LARGE1: variants seen among roughly 807,000 people sequenced by gnomAD.
LARGE1 encodes the protein xylosyl- and glucuronyltransferase LARGE1.
In LARGE1, 43 loss-of-function variants were observed where a neutral mutation model predicts 87.6. That is an observed-to-expected ratio of 0.49 (90% CI 0.38 to 0.63). The LOEUF is 0.63. Ranked by LOEUF, LARGE1 falls within the 30% of genes least tolerant of loss-of-function variation. The probability of loss-of-function intolerance (pLI) is 0.00; values close to 1 mark genes in which losing one functional copy is unlikely to be tolerated. For missense variants in LARGE1, 802 were observed against 1,000.2 expected, an observed-to-expected ratio of 0.80 and a Z score of 2.67; for synonymous variants, 434 against 394.6, an observed-to-expected ratio of 1.10 and a Z score of -1.18.
intron 1 of LARGE1, among the ~76,000 whole-genome samples, chr22:33,765,564 G>A (rs949435136): frequency 8.6e-5 from 13 of 151,894 alleles, no homozygotes; most frequent in Non-Finnish European, 2.9e-5. Flanking sequence ...AATTAGCTGG[G>A]CATGGTGGTG....
At chr22:33,172,450 A>T (rs113689450) in intron 11 of LARGE1, among the ~76,000 whole-genome samples, 2 of 149,512 alleles carry the variant, frequency 1.3e-5, no homozygotes, top group East Asian at 2.0e-4. Flanking sequence ...TCCCCTGCTC[A>T]CTCTCTCTCT....
At chr22:33,427,375 A>G (rs148616643) in intron 7 of LARGE1, among the ~76,000 whole-genome samples, 109 of 152,332 alleles carry the variant, frequency 7.2e-4, no homozygotes, top group African/African-American at 2.4e-3. Flanking sequence ...AGCTCTAGTA[A>G]AAAGGGAAGG....
intron 1 of LARGE1, among the ~76,000 whole-genome samples, chr22:33,893,889 G>A (rs965462590): frequency 2.6e-5 from 4 of 152,190 alleles, no homozygotes; most frequent in African/African-American, 9.7e-5. Context: ...AACGTCACAA[G>A]TCTCACAGGG....
chr22:33,728,711 G>C (rs1307073965), intron 2 of LARGE1, among the ~76,000 whole-genome samples: 3 of 152,156 alleles, frequency 2.0e-5, no homozygotes, highest in Non-Finnish European at 4.4e-5. Context: ...ATACTAGACT[G>C]GCCTGCTGTG....
At chr22:33,776,103 C>T (rs1480207252) in intron 1 of LARGE1, among the ~76,000 whole-genome samples, 1 of 152,192 alleles carries the variant, frequency 6.6e-6, no homozygotes, top group Admixed American at 6.5e-5. Flanking sequence ...AGATGACCTG[C>T]AAATTCACTG....
At chr22:33,908,903 G>A (rs1291933022) in intron 1 of LARGE1, among the ~76,000 whole-genome samples, 1 of 152,172 alleles carries the variant, frequency 6.6e-6, no homozygotes, top group Non-Finnish European at 1.5e-5. Flanking sequence ...CCAGAACCCA[G>A]ATGTCAGAGC....
At chr22:33,477,316 G>A (rs1423027991) in intron 6 of LARGE1, among the ~76,000 whole-genome samples, 3 of 152,138 alleles carry the variant, frequency 2.0e-5, no homozygotes, top group African/African-American at 7.2e-5. Flanking sequence ...TATAAGGAAT[G>A]GGGAATTTTT....
chr22:33,800,440 T>C (rs1250477087), intron 1 of LARGE1, among the ~76,000 whole-genome samples: 1 of 152,244 alleles, frequency 6.6e-6, no homozygotes, highest in East Asian at 1.9e-4. Flanking sequence ...TGTATTTGTG[T>C]GTAGTTCTAT....
In LARGE1 at chr22:33,911,297, G is replaced by A. The variant is rs11913029; in HGVS notation, c.-83+8698C>T. ...GTAAAATGAAGGTGTTGGTCTAGTG[G>A]GGCTCCAAGGTCTCTTCCAGCCTTG... On this transcript the variant is annotated intron_variant, in intron 1 of 14. Transcript: ENST00000397394. Among the ~76,000 whole-genome samples, 1,345 of 152,202 alleles carry A rather than the reference G, an allele frequency of 8.8e-3. 36 individuals are homozygous for A. Among genetic ancestry groups the A allele is most frequent in the African/African-American group, 0.031 (1,280 of 41,518 alleles).
chr22:33,469,886 C>CTT (rs537465362), intron 6 of LARGE1, among the ~76,000 whole-genome samples: 1 of 117,016 alleles, frequency 8.5e-6, no homozygotes, highest in Non-Finnish European at 1.8e-5. Flanking sequence ...TATGTTTACT[C>CTT]TTTTTTTTTT....
chr22:33,573,967 G>A (rs752640957), intron 5 of LARGE1, among the ~76,000 whole-genome samples: 1 of 152,152 alleles, frequency 6.6e-6, no homozygotes, highest in Non-Finnish European at 1.5e-5. Flanking sequence ...CCCAAAGACA[G>A]CAAGGTGGAG....
At chr22:33,831,073 T>C (rs1425686412) in intron 1 of LARGE1, among the ~76,000 whole-genome samples, 1 of 151,898 alleles carries the variant, frequency 6.6e-6, no homozygotes, top group Non-Finnish European at 1.5e-5. Context: ...TGCTCACATA[T>C]TAGCAGATAT....
At chr22:33,467,406 T>C (rs146738360) in intron 6 of LARGE1, among the ~76,000 whole-genome samples, 6 of 152,346 alleles carry the variant, frequency 3.9e-5, no homozygotes, top group Non-Finnish European at 8.8e-5. Context: ...ATCTTCCAAC[T>C]TTTTGTGATA....
intron 1 of LARGE1, among the ~76,000 whole-genome samples, chr22:33,799,242 G>C (rs1426851240): frequency 2.0e-5 from 3 of 152,074 alleles, no homozygotes; most frequent in Non-Finnish European, 4.4e-5. Context: ...CTATCCACGT[G>C]AAGTTAGACT....
intron 9 of LARGE1, among the ~76,000 whole-genome samples, chr22:33,381,265 T>C (rs2065145887): frequency 2.0e-5 from 3 of 152,206 alleles, no homozygotes; most frequent in African/African-American, 7.2e-5. Flanking sequence ...TTTAGGCCAC[T>C]ATCAGAATAG....
chr22:33,907,411 T>C (rs1477604243), intron 1 of LARGE1, among the ~76,000 whole-genome samples: 3 of 152,206 alleles, frequency 2.0e-5, no homozygotes, highest in Admixed American at 2.0e-4. Flanking sequence ...CCCATCACCG[T>C]CTGATAATTT....
At chr22:33,566,305 A>C (rs1390665988) in intron 5 of LARGE1, among the ~76,000 whole-genome samples, 1 of 152,236 alleles carries the variant, frequency 6.6e-6, no homozygotes, top group African/African-American at 2.4e-5. Context: ...TCAAGATATA[A>C]TTTCTAAAAA....
Position 33,376,069 on chromosome 22 carries a change from CT to C in LARGE1, c.1131+5849del, listed in dbSNP as rs200049303. Among the ~76,000 whole-genome samples, 833 of 152,132 alleles carry C rather than the reference CT, an allele frequency of 5.5e-3. 11 individuals are homozygous for C. The highest frequency in any genetic ancestry group is 0.019 in the African/African-American group (802 of 41,502). On this transcript the variant is annotated intron_variant, in intron 9 of 14. Coordinates refer to ENST00000397394, the MANE Select transcript of LARGE1 (RefSeq NM_133642.5). ...AGGAAGAAAAAGTTATGTTTCTGTT[CT>C]TTTTTTTCTTCCAGAAATATTTTAA...
intron 1 of LARGE1, among the ~76,000 whole-genome samples, chr22:33,919,007 C>G (rs1191589928): frequency 1.3e-5 from 2 of 151,958 alleles, no homozygotes; most frequent in Non-Finnish European, 2.9e-5. Context: ...CTATTTTGCT[C>G]CCTCAGGAGA....
Sources: allele counts gnomAD v4.1 joint callset (sites outside exome capture counted in the v4.1 genomes callset), GRCh38; gene constraint gnomAD v4.1.1; transcripts MANE v1.5; gene names NCBI Gene and HGNC (gene_info 2026-07-23, HGNC 2026-07-21).